ARHGAP5: variants seen among roughly 807,000 people sequenced by gnomAD.
ARHGAP5 encodes rho GTPase-activating protein 5.
In ARHGAP5, 23 loss-of-function variants were observed where a neutral mutation model predicts 116.6. The observed-to-expected ratio is 0.20, with a 90% CI of 0.14 to 0.28. The LOEUF (loss-of-function observed/expected upper bound fraction) is 0.28, where lower values mean the gene tolerates loss of function less well. ARHGAP5 is among the 10% of genes least tolerant of loss of function. The pLI is 1.00. For missense variants in ARHGAP5, 1,405 were observed against 1,774.8 expected (o/e 0.79, Z 3.74); for synonymous variants, 574 against 602.0 (o/e 0.95, Z 0.68).
chr14:32,149,843 G>A (rs958400371), intron 4 of ARHGAP5, 59 bp from the exon 5 acceptor site: 2 of 1,026,426 alleles, frequency 1.9e-6, no homozygotes, highest in African/African-American at 3.4e-5. Flanking sequence ...TAACCATTTA[G>A]CTTGCTTCTA....
chr14:32,078,612 A>G (rs1322762617), intron 1 of ARHGAP5, among the ~76,000 whole-genome samples: 1 of 152,060 alleles, frequency 6.6e-6, no homozygotes, highest in East Asian at 1.9e-4. Flanking sequence ...TTCTACAGGT[A>G]GGGGCGGGGG....
intron 3 of ARHGAP5, among the ~76,000 whole-genome samples, chr14:32,133,250 C>T (rs1428779405): frequency 1.3e-5 from 2 of 152,160 alleles, no homozygotes; most frequent in South Asian, 4.1e-4. Context: ...TTTGTATCCT[C>T]TTTTATTTCC....
intron 3 of ARHGAP5, among the ~76,000 whole-genome samples, chr14:32,122,943 T>C (rs1879961494): frequency 6.6e-6 from 1 of 152,164 alleles, no homozygotes; most frequent in African/African-American, 2.4e-5. Context: ...CTGTTTGAAC[T>C]TTGTTCTTCT....
In ARHGAP5 at chr14:32,158,621, T is replaced by TA. The variant is rs1229076581; in HGVS notation, c.*3676dup. On this transcript the variant is annotated 3_prime_UTR_variant, in exon 7 of 7. Coordinates refer to ENST00000345122, the MANE Select transcript of ARHGAP5 (RefSeq NM_001030055.2). ...TTGAATTTAGTAGTTTCAAGGTACTTAAATTCTTAACAGTTTCTAATTTGT... is the reference window on the plus strand; with the variant it reads ...TTGAATTTAGTAGTTTCAAGGTACTTAAAATTCTTAACAGTTTCTAATTTGT... 4 of 152,138 alleles carry TA rather than the reference T, an allele frequency of 2.6e-5. No homozygotes were observed. Among genetic ancestry groups the TA allele is most frequent in the East Asian group, 1.9e-4 (1 of 5,192 alleles). The allele number at this position is 152,138 out of a possible 1,614,324, so 9.4% of individuals were successfully genotyped here.
intron 1 of ARHGAP5, among the ~76,000 whole-genome samples, chr14:32,088,943 G>A (rs2041857526): frequency 6.6e-6 from 1 of 151,962 alleles, no homozygotes; most frequent in Non-Finnish European, 1.5e-5. Flanking sequence ...ACTAGTAAAT[G>A]ATAGGAGTCG....
intron 2 of ARHGAP5, among the ~76,000 whole-genome samples, chr14:32,108,845 T>G (rs1292653815): frequency 6.6e-6 from 1 of 152,198 alleles, no homozygotes; most frequent in Non-Finnish European, 1.5e-5. Flanking sequence ...ATACTGTTTA[T>G]AAGACTTAAA....
At chr14:32,123,194 G>A (rs773066480) in intron 3 of ARHGAP5, among the ~76,000 whole-genome samples, 2 of 151,872 alleles carry the variant, frequency 1.3e-5, no homozygotes, top group Non-Finnish European at 2.9e-5. Context: ...TAGTATGTGT[G>A]TTTTAAAAAC....
At position 32,132,220 on chromosome 14, in the gene ARHGAP5, A is replaced by G. The variant is rs987509259; in HGVS notation, c.3866-14043A>G. Among the ~76,000 whole-genome samples the G allele has an allele frequency of 7.9e-5, 12 of 152,182 alleles. No individual in the cohort carries two copies. The South Asian group carries it at 1.2e-3, about 16-fold the overall frequency. On this transcript the variant is annotated intron_variant, in intron 3 of 6. Transcript: ENST00000345122. Reference sequence around the variant, plus strand: ...CCACCAACAGTGTAAAAGTGTTCCTATTTCTCCACATCCTCTCCAGCACCT... The same window carrying G: ...CCACCAACAGTGTAAAAGTGTTCCTGTTTCTCCACATCCTCTCCAGCACCT...
At chr14:32,119,752 G>A (rs1879789543) in intron 3 of ARHGAP5, among the ~76,000 whole-genome samples, 1 of 151,998 alleles carries the variant, frequency 6.6e-6, no homozygotes, top group Non-Finnish European at 1.5e-5. Context: ...ATCTGTTGAG[G>A]TTATCTTACG....
chr14:32,081,333 A>G (rs1190994577), intron 1 of ARHGAP5, among the ~76,000 whole-genome samples: 2 of 152,142 alleles, frequency 1.3e-5, no homozygotes, highest in African/African-American at 4.8e-5. Context: ...ATGAAGGGGG[A>G]AAAAGACATT....
At chr14:32,141,353 T>C (rs752981244) in intron 3 of ARHGAP5, among the ~76,000 whole-genome samples, 1 of 152,196 alleles carries the variant, frequency 6.6e-6, no homozygotes, top group Non-Finnish European at 1.5e-5. Context: ...AATAGTCATG[T>C]TTTAATTGAA....
chr14:32,119,175 C>G (rs1015125710), intron 3 of ARHGAP5, among the ~76,000 whole-genome samples: 1 of 151,876 alleles, frequency 6.6e-6, no homozygotes, highest in Admixed American at 6.6e-5. Context: ...TCCTAATTGC[C>G]TACGAGATTG....
Position 32,092,870 on chromosome 14 carries a change from C to T in ARHGAP5, c.2201C>T (p.Ala734Val), listed in dbSNP as rs1878334258. 3.1e-6 allele frequency: 5 copies of T among 1,613,990 alleles called. No individual in the cohort carries two copies. The highest frequency in any genetic ancestry group is 2.2e-5 in the East Asian group (1 of 44,872). ...KLQCPFVDVP[A>V]GTYPRKFNET... The stretch of plus-strand genomic sequence containing the variant: ...CAATGTCCTTTTGTAGATGTACCTG[C>T]TGGTACATATCCTCGTAAATTTAAT... The change falls in exon 2 of 7, where the codon GCT (alanine) becomes GTT (valine). Residue 734 changes from alanine (A) to valine (V), a missense_variant. Physicochemically the swap from Ala to Val is moderately conservative, Grantham distance 64. This residue lies in a region of ARHGAP5 where 944 missense variants were observed against 1,095.3 expected (regional missense o/e 0.86). Coordinates refer to ENST00000345122, the MANE Select transcript of ARHGAP5 (RefSeq NM_001030055.2). This position sits in a 1 kb window ranked among gnomAD's most constrained non-coding sequence, Gnocchi z 4.1.
intron 3 of ARHGAP5, among the ~76,000 whole-genome samples, chr14:32,136,479 A>G (rs1225933463): frequency 6.6e-6 from 1 of 152,208 alleles, no homozygotes; most frequent in Non-Finnish European, 1.5e-5. Context: ...ATTCCATTAT[A>G]TAGCTATATC....
At chr14:32,145,643 C>T (rs770504806) in intron 3 of ARHGAP5, among the ~76,000 whole-genome samples, 3 of 152,090 alleles carry the variant, frequency 2.0e-5, no homozygotes, top group Admixed American at 6.6e-5. Context: ...AGTCATTAGC[C>T]GGTTTGCCTT....
Position 32,090,571 on chromosome 14 carries a change from G to C in ARHGAP5, c.-99G>C. The C allele has an allele frequency of 4.5e-6, 5 of 1,105,092 alleles. No individual in the cohort carries two copies. The highest frequency in any genetic ancestry group is 5.2e-6 in the Non-Finnish European group (4 of 770,170). The allele number at this position is 1,105,092 out of a possible 1,614,324, so 68.5% of individuals were successfully genotyped here. On this transcript the variant is annotated 5_prime_UTR_variant, in exon 2 of 7. Coordinates refer to ENST00000345122, the MANE Select transcript of ARHGAP5 (RefSeq NM_001030055.2). Reference sequence around the variant, plus strand: ...AGGGAAATACAAAGAACCAAATACAGTTCTGAAATTTGGGATCTGTATTTT... The same window carrying C: ...AGGGAAATACAAAGAACCAAATACACTTCTGAAATTTGGGATCTGTATTTT...
Position 32,158,373 on chromosome 14 carries a change from T to G in ARHGAP5, c.*3425T>G, listed in dbSNP as rs1881988007. 6.6e-6 allele frequency: 1 copy of G among 152,010 alleles called. No individual in the cohort carries two copies. The highest frequency in any genetic ancestry group is 1.5e-5 in the Non-Finnish European group (1 of 67,868). The allele number at this position is 152,010 out of a possible 1,614,324, so 9.4% of individuals were successfully genotyped here. On this transcript the variant is annotated 3_prime_UTR_variant, in exon 7 of 7. Coordinates refer to ENST00000345122, the MANE Select transcript of ARHGAP5 (RefSeq NM_001030055.2). ...CAGGAAAACAAGATAATGCACAGAT[T>G]TCTAAGACTAAGATCTTACCTGGAT...
chr14:32,125,654 G>C (rs116312450), intron 3 of ARHGAP5, among the ~76,000 whole-genome samples: 1 of 152,174 alleles, frequency 6.6e-6, no homozygotes, highest in Non-Finnish European at 1.5e-5. Flanking sequence ...TGTTCTGTAT[G>C]TGTATTAATT....
At chr14:32,106,608 G>A (rs1227647445) in intron 2 of ARHGAP5, among the ~76,000 whole-genome samples, 7 of 152,010 alleles carry the variant, frequency 4.6e-5, no homozygotes, top group African/African-American at 1.4e-4. Context: ...ATCCCTGTCC[G>A]TACAAAGTGT....
Sources: allele counts gnomAD v4.1 joint callset (sites outside exome capture counted in the v4.1 genomes callset), GRCh38; gene constraint gnomAD v4.1.1; regional missense constraint gnomAD v4.1.1; non-coding constraint Gnocchi (gnomAD v3.1); transcripts MANE v1.5; gene names NCBI Gene and HGNC (gene_info 2026-07-23, HGNC 2026-07-21).